Variants in GOPC observed in about 807,000 individuals in gnomAD.
GOPC encodes the protein Golgi-associated PDZ and coiled-coil motif-containing protein.
GOPC carries 32 observed loss-of-function variants against 51.2 expected under a neutral mutation model. That is an observed-to-expected ratio of 0.63 (90% CI 0.47 to 0.84). The LOEUF is 0.84. GOPC is among the 40% of genes least tolerant of loss of function. GOPC has a pLI of 0.00. For missense variants in GOPC, 441 were observed against 555.5 expected, an observed-to-expected ratio of 0.79 and a Z score of 2.07; for synonymous variants, 190 against 205.1, an observed-to-expected ratio of 0.93 and a Z score of 0.63.
intron 1 of GOPC, among the ~76,000 whole-genome samples, chr6:117,593,955 A>G (rs1324716192): frequency 6.6e-6 from 1 of 152,142 alleles, no homozygotes; most frequent in Non-Finnish European, 1.5e-5. Context: ...AATCTCACAT[A>G]AACAGAAACC....
chr6:117,580,986 G>A (rs1017840235), intron 1 of GOPC, among the ~76,000 whole-genome samples: 5 of 152,252 alleles, frequency 3.3e-5, no homozygotes, highest in Middle Eastern at 6.8e-3. Context: ...TGAAGCCATT[G>A]ATGGAAACAG....
At position 117,602,478 on chromosome 6, in the gene GOPC, ACGGCGGC is replaced by A; in HGVS notation, c.-197_-191del. On this transcript the variant is annotated 5_prime_UTR_variant, in exon 1 of 9. Transcript: ENST00000368498. ...TAACGAGGCTGAAGCTGAGGCGGCAACGGCGGCGACACACGGAAGACTCAGTCAGTCC... is the reference window on the plus strand; with the variant it reads ...TAACGAGGCTGAAGCTGAGGCGGCAAGACACACGGAAGACTCAGTCAGTCC... The A allele has an allele frequency of 1.6e-6, 1 of 606,070 alleles. No individual in the cohort carries two copies. Among genetic ancestry groups the A allele is most frequent in the Non-Finnish European group, 2.9e-6 (1 of 345,784 alleles). 37.5% of individuals were successfully genotyped at this position (606,070 alleles called of 1,614,324 possible). A position where few individuals can be genotyped will look rare whatever the true frequency, so the allele number is the denominator to read the frequency against.
intron 1 of GOPC, among the ~76,000 whole-genome samples, chr6:117,593,184 C>T (rs1780144239): frequency 6.6e-6 from 1 of 152,114 alleles, no homozygotes; most frequent in South Asian, 2.1e-4. Flanking sequence ...TCTCAAACCT[C>T]TTCTACTAGC....
intron 1 of GOPC, among the ~76,000 whole-genome samples, chr6:117,601,398 T>A (rs116596601): frequency 1.4e-3 from 211 of 152,306 alleles, no homozygotes; most frequent in African/African-American, 4.6e-3. Flanking sequence ...AGGTCAGAAG[T>A]AATTTCAATA....
At chr6:117,578,174 A>G (rs1228395446) in intron 2 of GOPC, among the ~76,000 whole-genome samples, 3 of 152,104 alleles carry the variant, frequency 2.0e-5, no homozygotes, top group African/African-American at 7.2e-5. Flanking sequence ...TTGGTACCCA[A>G]TTCCATTTCT....
intron 1 of GOPC, among the ~76,000 whole-genome samples, chr6:117,592,727 AC>A (rs1391091785): frequency 6.6e-6 from 1 of 152,204 alleles, no homozygotes; most frequent in Admixed American, 6.5e-5. Context: ...AAATAAGGTC[AC>A]ATTCTGAGGT....
intron 1 of GOPC, among the ~76,000 whole-genome samples, chr6:117,586,834 G>A (rs1488439464): frequency 6.6e-6 from 1 of 152,108 alleles, no homozygotes; most frequent in East Asian, 1.9e-4. Flanking sequence ...CTTTTCTCTT[G>A]TGACAAAAGT....
intron 5 of GOPC, among the ~76,000 whole-genome samples, chr6:117,572,632 A>C (rs1213357625): frequency 2.6e-5 from 4 of 152,126 alleles, no homozygotes; most frequent in African/African-American, 9.7e-5. Flanking sequence ...TATCACTCAG[A>C]CACATCTGAT....
In GOPC at chr6:117,575,114, G is replaced by T. The variant is rs150474848; in HGVS notation, c.650+63C>A. 580 of 1,258,296 alleles carry T rather than the reference G, an allele frequency of 4.6e-4. 4 individuals are homozygous for T. In the African/African-American group the frequency reaches 8.3e-3, roughly 18 times the overall value. The allele number at this position is 1,258,296 out of a possible 1,614,324, so 77.9% of individuals were successfully genotyped here. ...AAAATAAAAAAAGAAAGAAGTAAGA[G>T]TCAACCTCATTAAATATCCAATTTG... On this transcript the variant is annotated intron_variant, in intron 4 of 8. Coordinates refer to ENST00000368498, the MANE Select transcript of GOPC (RefSeq NM_020399.4).
In GOPC at chr6:117,563,150, CAACA is replaced by C. The variant is rs1314686760; in HGVS notation, c.*100_*103del. ...CTGAGGTACCCGCCTTTCATTTAGG[CAACA>C]AACAGCCTCCCCTGATTTTGTAGTC... On this transcript the variant is annotated 3_prime_UTR_variant, in exon 9 of 9. Coordinates refer to ENST00000368498, the MANE Select transcript of GOPC (RefSeq NM_020399.4). 4.7e-6 allele frequency: 5 copies of C among 1,061,958 alleles called. No homozygotes were observed. Among genetic ancestry groups the C allele is most frequent in the African/African-American group, 1.6e-5 (1 of 62,924 alleles). The allele number at this position is 1,061,958 out of a possible 1,614,324, so 65.8% of individuals were successfully genotyped here.
chr6:117,589,165 G>A (rs1184735471), intron 1 of GOPC, among the ~76,000 whole-genome samples: 1 of 152,200 alleles, frequency 6.6e-6, no homozygotes, highest in African/African-American at 2.4e-5. Context: ...CAGGCTGCGG[G>A]TTAGACAAGC....
chr6:117,593,973 C>CA (rs1780156395), intron 1 of GOPC, among the ~76,000 whole-genome samples: 1 of 152,162 alleles, frequency 6.6e-6, no homozygotes, highest in African/African-American at 2.4e-5. Flanking sequence ...ACCTTCTAAA[C>CA]AATTTTCTGC....
rs1562142874 is a variant in GOPC at position 117,579,853 on chromosome 6, T to G, written c.286-789A>C. Among the ~76,000 whole-genome samples the G allele has an allele frequency of 3.9e-5, 6 of 152,016 alleles. No individual in the cohort carries two copies. In the South Asian group the frequency reaches 1.2e-3, roughly 32 times the overall value. ...TATGCCAGCACAATGAGAAAAAAAATTGTAGATAATATTTTTAAAAATCAT... is the reference window on the plus strand; with the variant it reads ...TATGCCAGCACAATGAGAAAAAAAAGTGTAGATAATATTTTTAAAAATCAT... On this transcript the variant is annotated intron_variant, in intron 1 of 8. Coordinates refer to ENST00000368498, the MANE Select transcript of GOPC (RefSeq NM_020399.4).
chr6:117,583,673 T>A (rs1779992115), intron 1 of GOPC, among the ~76,000 whole-genome samples: 1 of 152,212 alleles, frequency 6.6e-6, no homozygotes, highest in African/African-American at 2.4e-5. Flanking sequence ...TTTTTAATCT[T>A]CTGGAAGCTC....
intron 1 of GOPC, among the ~76,000 whole-genome samples, chr6:117,584,582 G>A (rs1355320470): frequency 6.6e-6 from 1 of 151,900 alleles, no homozygotes; most frequent in Non-Finnish European, 1.5e-5. Context: ...GCCTTCCCTG[G>A]GGGCACCAGC....
rs760607849 is a variant in GOPC at position 117,573,489 on chromosome 6, G to A, written c.794C>T (p.Pro265Leu). 2 of 1,613,886 alleles carry A rather than the reference G, an allele frequency of 1.2e-6. No homozygotes were observed. Among genetic ancestry groups the A allele is most frequent in the Non-Finnish European group, 1.7e-6 (2 of 1,179,906 alleles). The change falls in exon 5 of 9, where the codon CCA (proline) becomes CTA (leucine). Residue 265 changes from proline (P) to leucine (L), a missense_variant. This residue lies in a region of GOPC where 166 missense variants were observed against 267.0 expected (regional missense o/e 0.62). Coordinates refer to ENST00000368498, the MANE Select transcript of GOPC (RefSeq NM_020399.4). Reference sequence around the variant, plus strand: ...TACATGGCCTGGTGGTGCTTGCATTGGTCGTTTCAAGTCATTACGTCCTCT... The same window carrying A: ...TACATGGCCTGGTGGTGCTTGCATTAGTCGTTTCAAGTCATTACGTCCTCT... ...ACRGRNDLKR[P>L]MQAPPGHDQD...
In GOPC at chr6:117,572,829, A is replaced by G. The variant is rs184515784; in HGVS notation, c.816+638T>C. Among the ~76,000 whole-genome samples the G allele has an allele frequency of 1.1e-3, 160 of 152,272 alleles. 1 individual carries two copies. The highest frequency in any genetic ancestry group is 3.7e-3 in the African/African-American group (153 of 41,560). On this transcript the variant is annotated intron_variant, in intron 5 of 8. Coordinates refer to ENST00000368498, the MANE Select transcript of GOPC (RefSeq NM_020399.4). Reference sequence around the variant, plus strand: ...AAAATCTTTGCAGAGCCAACAAACTATTTTACTATTTAAGGCCATACATTA... The same window carrying G: ...AAAATCTTTGCAGAGCCAACAAACTGTTTTACTATTTAAGGCCATACATTA...
chr6:117,567,636 C>T (rs969216269), intron 7 of GOPC, among the ~76,000 whole-genome samples: 2 of 151,950 alleles, frequency 1.3e-5, no homozygotes, highest in Admixed American at 1.3e-4. Flanking sequence ...TATTCTGTCT[C>T]GTACTAATAG....
intron 1 of GOPC, among the ~76,000 whole-genome samples, chr6:117,588,685 T>C (rs191421702): frequency 1.4e-4 from 22 of 152,116 alleles, no homozygotes; most frequent in Admixed American, 5.2e-4. Context: ...TATATTAACA[T>C]GTAATGAGTT....
Sources: allele counts gnomAD v4.1 joint callset (sites outside exome capture counted in the v4.1 genomes callset), GRCh38; gene constraint gnomAD v4.1.1; regional missense constraint gnomAD v4.1.1; transcripts MANE v1.5; gene names NCBI Gene and HGNC (gene_info 2026-07-23, HGNC 2026-07-21).